TCERG1L: variants seen among roughly 807,000 people sequenced by gnomAD.
The protein encoded by TCERG1L is transcription elongation regulator 1 like, also known as transcription elongation regulator 1-like protein.
A neutral mutation model predicts 56.3 loss-of-function variants in TCERG1L; 37 were observed. The observed-to-expected ratio is 0.66, with a 90% CI of 0.51 to 0.87. The LOEUF is 0.87. Among genes scored for constraint, TCERG1L ranks in the 40% least tolerant of loss-of-function variants. The pLI, the probability that TCERG1L is intolerant of heterozygous loss-of-function variation, is 0.00. For synonymous variants in TCERG1L, 324 were observed against 326.3 expected, an observed-to-expected ratio of 0.99 and a Z score of 0.08; for missense variants, 799 against 774.2, an observed-to-expected ratio of 1.03 and a Z score of -0.38.
chr10:131,093,288 G>T lies in TCERG1L; in HGVS notation c.1635C>A (p.Tyr545Ter), dbSNP rs369936170. 1 of 1,613,824 alleles carries T rather than the reference G, an allele frequency of 6.2e-7. No homozygotes were observed. The highest frequency in any genetic ancestry group is 2.2e-5 in the East Asian group (1 of 44,880). Residue 545 changes from tyrosine (Y) to a stop codon, truncating the protein, a stop_gained, in exon 12 of 12, where the codon TAC (tyrosine) becomes TAA (stop). Transcript: ENST00000368642. LOFTEE classifies it low-confidence loss of function (END_TRUNC). ...RTTFKEFAEK[Y>*]GRDQRFRLVQ... is the part of the protein sequence containing the mutation. ...CAAGTCGGAACCTCTGATCCCGGCCGTATTTCTCTGCAAACTCCTTAAACG... is the reference window on the plus strand; with the variant it reads ...CAAGTCGGAACCTCTGATCCCGGCCTTATTTCTCTGCAAACTCCTTAAACG...
At chr10:131,144,519 C>T (rs1845773518) in intron 7 of TCERG1L, among the ~76,000 whole-genome samples, 1 of 151,940 alleles carries the variant, frequency 6.6e-6, no homozygotes, top group Non-Finnish European at 1.5e-5. Context: ...TCTTAAACAT[C>T]AACTGCACCC....
chr10:131,252,637 G>C (rs1846124801), intron 4 of TCERG1L, among the ~76,000 whole-genome samples: 1 of 152,188 alleles, frequency 6.6e-6, no homozygotes, highest in Non-Finnish European at 1.5e-5. Context: ...GCGCCCATCA[G>C]GGACCGCCTC....
chr10:131,304,207 C>T (rs907491915), intron 3 of TCERG1L, among the ~76,000 whole-genome samples: 3 of 152,060 alleles, frequency 2.0e-5, no homozygotes, highest in Non-Finnish European at 2.9e-5. Context: ...TAGCAAGATC[C>T]TTCTATTTCA....
intron 3 of TCERG1L, among the ~76,000 whole-genome samples, chr10:131,269,785 C>T (rs1375316104): frequency 6.6e-6 from 1 of 152,148 alleles, no homozygotes; most frequent in African/African-American, 2.4e-5. Context: ...GCTGGGAAAA[C>T]GGCACCCACA....
At chr10:131,298,703 G>A (rs972065838) in intron 3 of TCERG1L, among the ~76,000 whole-genome samples, 3 of 152,148 alleles carry the variant, frequency 2.0e-5, no homozygotes, top group African/African-American at 7.2e-5. Flanking sequence ...CATGAGCCAC[G>A]GCGTCCAGCC....
intron 4 of TCERG1L, among the ~76,000 whole-genome samples, chr10:131,190,347 C>G (rs1845290318): frequency 6.6e-6 from 1 of 152,138 alleles, no homozygotes; most frequent in Non-Finnish European, 1.5e-5. Flanking sequence ...ACCAGACATT[C>G]AAAGAATTGG....
At chr10:131,146,774 A>C (rs1845800515) in intron 6 of TCERG1L, 114 bp from the exon 7 acceptor site, 1 of 1,242,724 alleles carries the variant, frequency 8.0e-7, no homozygotes. Context: ...CACATTTGCA[A>C]AGCTTGTTTA....
chr10:131,098,343 A>C lies in TCERG1L; in HGVS notation c.1567T>G (p.Phe523Val). 1 of 1,553,288 alleles carries C rather than the reference A, an allele frequency of 6.4e-7. No homozygotes were observed. Among genetic ancestry groups the C allele is most frequent in the Non-Finnish European group, 8.7e-7 (1 of 1,147,602 alleles). The change falls in exon 11 of 12, where the codon TTC (phenylalanine) becomes GTC (valine). Residue 523 changes from phenylalanine to valine, a missense_variant. By Grantham distance (50) the Phe-to-Val change is conservative. Transcript: ENST00000368642. ...KSKLLLAKEE[F>V]KKLLEESKVS... ...TTAGATTCCTCTAGAAGTTTCTTGA[A>C]TTCTTCTTTGGCTAGCAGCAATTTA...
At chr10:131,236,702 A>G (rs1432485630) in intron 4 of TCERG1L, among the ~76,000 whole-genome samples, 2 of 152,138 alleles carry the variant, frequency 1.3e-5, no homozygotes, top group African/African-American at 4.8e-5. Context: ...CAGGGGTGGG[A>G]GGCTGAAGAG....
chr10:131,093,529 AC>A (rs1845205028), intron 11 of TCERG1L, among the ~76,000 whole-genome samples: 1 of 148,714 alleles, frequency 6.7e-6, no homozygotes, highest in Admixed American at 6.7e-5. Flanking sequence ...CACTTGCAGG[AC>A]CCCCTTGTCT....
intron 4 of TCERG1L, among the ~76,000 whole-genome samples, chr10:131,180,275 G>A (rs760090172): frequency 6.6e-6 from 1 of 152,234 alleles, no homozygotes; most frequent in Non-Finnish European, 1.5e-5. Context: ...AGGCAGGGGC[G>A]AGTGACAGAA....
intron 8 of TCERG1L, among the ~76,000 whole-genome samples, chr10:131,123,548 C>A (rs146128811): frequency 6.6e-6 from 1 of 152,238 alleles, no homozygotes; most frequent in African/African-American, 2.4e-5. Flanking sequence ...CAGAGGTCTG[C>A]GAGGATGCAG....
chr10:131,214,823 G>A (rs1394285068), intron 4 of TCERG1L, among the ~76,000 whole-genome samples: 2 of 152,200 alleles, frequency 1.3e-5, no homozygotes, highest in African/African-American at 4.8e-5. Flanking sequence ...TTGACAGTGA[G>A]AGCCAGCAAA....
intron 8 of TCERG1L, among the ~76,000 whole-genome samples, chr10:131,128,484 C>A (rs1277815303): frequency 6.6e-6 from 1 of 151,988 alleles, no homozygotes; most frequent in African/African-American, 2.4e-5. Flanking sequence ...CTATCATTGT[C>A]TTCTAAAGGA....
intron 3 of TCERG1L, among the ~76,000 whole-genome samples, chr10:131,278,081 C>G (rs1428342899): frequency 6.6e-6 from 1 of 152,004 alleles, no homozygotes; most frequent in African/African-American, 2.4e-5. Context: ...CTCCCGGCTC[C>G]TGCCTCCCCC....
chr10:131,167,114 G>C lies in TCERG1L; in HGVS notation c.857-229C>G, dbSNP rs1231928639. Among the ~76,000 whole-genome samples, 3 of 152,176 alleles carry C rather than the reference G, an allele frequency of 2.0e-5. No individual in the cohort carries two copies. In the East Asian group the frequency reaches 5.8e-4, roughly 29 times the overall value. On this transcript the variant is annotated intron_variant, in intron 4 of 11. Transcript: ENST00000368642. ...TGGGTTTGCAGGGGCCAGAGGCCTG[G>C]GCACACACATGCACCTCTGGACTCC...
intron 6 of TCERG1L, chr10:131,162,492 T>C (rs1378576060): frequency 6.6e-6 from 1 of 152,304 alleles, no homozygotes; most frequent in African/African-American, 2.4e-5. Flanking sequence ...CTTCTGTACC[T>C]GGCTGGCACA....
At chr10:131,290,714 T>C (rs1004846756) in intron 3 of TCERG1L, among the ~76,000 whole-genome samples, 1 of 151,928 alleles carries the variant, frequency 6.6e-6, no homozygotes, top group East Asian at 1.9e-4. Context: ...GTTCTAAGTA[T>C]GATTTTATTC....
chr10:131,244,310 A>C (rs1029281968), intron 4 of TCERG1L, among the ~76,000 whole-genome samples: 6 of 152,148 alleles, frequency 3.9e-5, no homozygotes, highest in Non-Finnish European at 8.8e-5. Context: ...CAGGAGCAGA[A>C]GTGTCAGGTG....
Sources: allele counts gnomAD v4.1 joint callset (sites outside exome capture counted in the v4.1 genomes callset), GRCh38; gene constraint gnomAD v4.1.1; transcripts MANE v1.5; gene names NCBI Gene and HGNC (gene_info 2026-07-23, HGNC 2026-07-21).